Variants in MSTO1 observed in about 807,000 individuals in gnomAD.
MSTO1 encodes protein misato homolog 1.
In MSTO1, 24 loss-of-function variants were observed where a neutral mutation model predicts 55.7. The ratio of observed to expected loss-of-function variants is 0.43; its 90% confidence interval spans 0.31 to 0.61. MSTO1 has a LOEUF of 0.61. Ranked by LOEUF, MSTO1 falls within the 20% of genes least tolerant of loss-of-function variation. The pLI is 0.09. For missense variants in MSTO1, 363 were observed against 625.7 expected (o/e 0.58, Z 4.48); for synonymous variants, 162 against 252.8 (o/e 0.64, Z 3.41).
At chr1:155,591,814 T>C in the MSTO1 span, among the ~76,000 whole-genome samples, 1 of 151,916 alleles carries the variant, frequency 6.6e-6, no homozygotes, top group Admixed American at 6.6e-5. Context: ...GATTCCATTT[T>C]GCTAGCTTCT....
the MSTO1 span, among the ~76,000 whole-genome samples, chr1:155,587,370 G>C: frequency 6.7e-6 from 1 of 150,136 alleles, no homozygotes; most frequent in Non-Finnish European, 1.5e-5. Flanking sequence ...AACCCGGGAG[G>C]TGGAGGTTGC....
At chr1:155,583,057 G>C in the MSTO1 span, among the ~76,000 whole-genome samples, 2 of 151,450 alleles carry the variant, frequency 1.3e-5, no homozygotes, top group South Asian at 4.2e-4. Flanking sequence ...AAATTGTAGA[G>C]TTGCAGTGTG....
chr1:155,581,313 G>A, the MSTO1 span, among the ~76,000 whole-genome samples: 1 of 152,106 alleles, frequency 6.6e-6, no homozygotes, highest in Non-Finnish European at 1.5e-5. Context: ...GAACTCTTTT[G>A]TCTTGGAATA....
the MSTO1 span, among the ~76,000 whole-genome samples, chr1:155,598,373 A>C: frequency 3.3e-5 from 5 of 151,058 alleles, no homozygotes. Context: ...CCTCGGCCTC[A>C]CAAAGTGCTA....
the MSTO1 span, among the ~76,000 whole-genome samples, chr1:155,577,628 G>A: frequency 6.6e-6 from 1 of 152,178 alleles, no homozygotes; most frequent in Non-Finnish European, 1.5e-5. Flanking sequence ...CTTGATTACT[G>A]TAGCTTTATC....
the MSTO1 span, among the ~76,000 whole-genome samples, chr1:155,575,786 CTTATT>C: frequency 6.8e-6 from 1 of 147,570 alleles, no homozygotes; most frequent in Non-Finnish European, 1.5e-5. Context: ...TTATTTTTGT[CTTATT>C]TTATTTTTAT....
the MSTO1 span, among the ~76,000 whole-genome samples, chr1:155,580,301 C>T: frequency 5.3e-5 from 8 of 150,242 alleles, no homozygotes; most frequent in Non-Finnish European, 8.9e-5. Flanking sequence ...GGAGGCAGGA[C>T]GATCCCTTGT....
In MSTO1 at chr1:155,611,662, A is replaced by C. The variant is rs1571233094; in HGVS notation, c.422-27A>C. 3.3e-6 allele frequency: 4 copies of C among 1,219,166 alleles called. No individual in the cohort carries two copies. In the East Asian group the frequency reaches 9.7e-5, roughly 29 times the overall value. The allele number at this position is 1,219,166 out of a possible 1,614,324, so 75.5% of individuals were successfully genotyped here. Reference sequence around the variant, plus strand: ...TTGGGTAGAGCAGAAACATGGAGAAAGGTACATTTCCTCTGCTTGTCTTCA... The same window carrying C: ...TTGGGTAGAGCAGAAACATGGAGAACGGTACATTTCCTCTGCTTGTCTTCA... On this transcript the variant is annotated intron_variant, in intron 5 of 13. Transcript: ENST00000245564.
At chr1:155,563,623 G>A in the MSTO1 span, 1 of 455,978 alleles carries the variant, frequency 2.2e-6, no homozygotes, top group East Asian at 6.9e-5. Context: ...TCGTTAGACA[G>A]CCTGGTGATG....
At chr1:155,613,924 A>G in intron 13 of MSTO1, 135 bp from the exon 14 acceptor site, 2 of 680,872 alleles carry the variant, frequency 2.9e-6, no homozygotes, top group East Asian at 5.3e-5. Flanking sequence ...GTACTGGTGT[A>G]CTAAGGGGAC....
the MSTO1 span, among the ~76,000 whole-genome samples, chr1:155,590,334 G>A: frequency 2.6e-5 from 4 of 152,182 alleles, no homozygotes; most frequent in Admixed American, 6.6e-5. Flanking sequence ...TCCACAGCTT[G>A]ACTGGCTTCT....
the MSTO1 span, among the ~76,000 whole-genome samples, chr1:155,597,627 A>C: frequency 6.7e-6 from 1 of 150,198 alleles, no homozygotes; most frequent in African/African-American, 2.5e-5. Flanking sequence ...CTCCCGTCTC[A>C]GCCGCCTGAG....
chr1:155,599,578 G>A, the MSTO1 span, among the ~76,000 whole-genome samples: 1 of 152,154 alleles, frequency 6.6e-6, no homozygotes, highest in Non-Finnish European at 1.5e-5. Flanking sequence ...GGTGTTTCTC[G>A]TAAGGTGGAA....
At chr1:155,609,769 G>A (rs1310035797), upstream of MSTO1, 1 of 177,236 alleles carries the variant, frequency 5.6e-6, no homozygotes, top group African/African-American at 2.4e-5. Context: ...CCAGTCCACA[G>A]GTTATTAGTC....
chr1:155,572,315 C>G, the MSTO1 span, among the ~76,000 whole-genome samples: 1 of 152,150 alleles, frequency 6.6e-6, no homozygotes, highest in Non-Finnish European at 1.5e-5. Context: ...CAAAATCCCC[C>G]TGGTAGAGAA....
chr1:155,608,050 G>A (rs1302781811), upstream of MSTO1, among the ~76,000 whole-genome samples: 2 of 152,150 alleles, frequency 1.3e-5, no homozygotes, highest in African/African-American at 4.8e-5. Context: ...AAAGAGCTCA[G>A]AAGAGATAAG....
At chr1:155,610,021 T>C (rs1673475858), upstream of MSTO1, 1 of 561,158 alleles carries the variant, frequency 1.8e-6, no homozygotes, top group African/African-American at 1.9e-5. Context: ...AGCAACGGCG[T>C]GGCCCGTGGA....
chr1:155,585,327 T>A, the MSTO1 span, among the ~76,000 whole-genome samples: 1 of 152,022 alleles, frequency 6.6e-6, no homozygotes, highest in Admixed American at 6.6e-5. Context: ...ATCGATACCA[T>A]CCTTGCTAAC....
intron 9 of MSTO1, 50 bp from the exon 10 acceptor site, chr1:155,612,794 A>G (rs376579221): frequency 6.8e-6 from 11 of 1,607,820 alleles, no homozygotes; most frequent in Non-Finnish European, 8.5e-6. Context: ...GCCTCCACAC[A>G]TTCTTTTCCA....
Sources: allele counts gnomAD v4.1 joint callset (sites outside exome capture counted in the v4.1 genomes callset), GRCh38; gene constraint gnomAD v4.1.1; transcripts MANE v1.5; gene names NCBI Gene and HGNC (gene_info 2026-07-23, HGNC 2026-07-21).